Variants in RIPK2 observed in about 807,000 individuals in gnomAD.
RIPK2 encodes receptor-interacting serine/threonine-protein kinase 2.
RIPK2 carries 38 observed loss-of-function variants against 60.9 expected under a neutral mutation model. That is an observed-to-expected ratio of 0.62 (90% CI 0.48 to 0.82). The LOEUF (loss-of-function observed/expected upper bound fraction) is 0.82. Among genes scored for constraint, RIPK2 ranks in the 40% least tolerant of loss-of-function variants. The probability of loss-of-function intolerance (pLI) is 0.00; values close to 1 mark genes in which losing one functional copy is unlikely to be tolerated. For missense variants in RIPK2, 518 were observed against 647.0 expected, an observed-to-expected ratio of 0.80 and a Z score of 2.16; for synonymous variants, 225 against 223.4, an observed-to-expected ratio of 1.01 and a Z score of -0.06.
intron 6 of RIPK2, among the ~76,000 whole-genome samples, chr8:89,779,310 G>GGTTTTTTTTTTT (rs1586128992): frequency 2.5e-5 from 2 of 79,112 alleles, no homozygotes; most frequent in African/African-American, 1.2e-4. Context: ...CGGTTTTTGG[G>GGTTTTTTTTTTT]TTTTTTTTTT....
intron 3 of RIPK2, among the ~76,000 whole-genome samples, chr8:89,765,864 C>T (rs1006224082): frequency 3.3e-5 from 5 of 151,592 alleles, no homozygotes; most frequent in African/African-American, 9.7e-5. Context: ...TGTTATATCA[C>T]ACATAATTAT....
At chr8:89,781,354 A>ATTTTTTTTTTTCTTT (rs1161497561) in intron 7 of RIPK2, among the ~76,000 whole-genome samples, 112 of 144,008 alleles carry the variant, frequency 7.8e-4, no homozygotes, top group African/African-American at 2.7e-3. Context: ...AATAGATTGA[A>ATTTTTTTTTTTCTTT]TTTTTTTTTT....
rs1036818488 is a variant in RIPK2 at position 89,789,322 on chromosome 8, A to G, written c.1125A>G (p.Arg375=). Residue 375 remains arginine, a splice_region_variant and synonymous_variant, in exon 10 of 11, where the codon AGA becomes AGG. Transcript: ENST00000220751. ...PAPQDNDFLS[R]KAQDCYFMKL... ...TAATGAAGATGTTGTATTTTGTAGG[A>G]AAAGCTCAAGACTGTTATTTTATGA... The G allele has an allele frequency of 6.2e-7, 1 of 1,612,778 alleles. No individual in the cohort carries two copies. Among genetic ancestry groups the G allele is most frequent in the African/African-American group, 1.3e-5 (1 of 74,956 alleles).
intron 7 of RIPK2, among the ~76,000 whole-genome samples, chr8:89,781,526 C>T (rs1277858047): frequency 6.6e-6 from 1 of 152,048 alleles, no homozygotes; most frequent in Non-Finnish European, 1.5e-5. Flanking sequence ...GGCTACCACA[C>T]TCAGCTACTT....
chr8:89,783,741 CAT>C (rs1487219322), intron 7 of RIPK2, among the ~76,000 whole-genome samples: 1 of 152,150 alleles, frequency 6.6e-6, no homozygotes, highest in Non-Finnish European at 1.5e-5. Context: ...CCAGATATTT[CAT>C]ATTTATAAGC....
In RIPK2 at chr8:89,767,572, A is replaced by G. The variant is rs73694480; in HGVS notation, c.483+2076A>G. ...TATTCCATCAATTATAGAACCATCA[A>G]GTAGAAATACCTTAATGGTCAACTA... On this transcript the variant is annotated intron_variant, in intron 3 of 10. Transcript: ENST00000220751. 9.4e-3 allele frequency among the ~76,000 whole-genome samples: 1,426 copies of G among 151,762 alleles called. 20 individuals are homozygous for G. Among genetic ancestry groups the G allele is most frequent in the African/African-American group, 0.033 (1,363 of 41,522 alleles).
chr8:89,789,100 C>G (rs938784051), intron 9 of RIPK2, among the ~76,000 whole-genome samples: 1 of 152,126 alleles, frequency 6.6e-6, no homozygotes, highest in South Asian at 2.1e-4. Context: ...TTACACAGAA[C>G]AGACAATTTC....
Position 89,790,381 on chromosome 8 carries a change from C to A in RIPK2, c.1588C>A (p.Pro530Thr). ...GGAAATACTTGTGGTTTCTAGATCA[C>A]CATCTTTAAATTTACTTCAAAATAA... ...YPEILVVSRS[P>T]SLNLLQNKSM The change falls in exon 11 of 11, where the codon CCA becomes ACA. Residue 530 changes from proline to threonine, a missense_variant. Transcript: ENST00000220751. 6.2e-7 allele frequency: 1 copy of A among 1,603,442 alleles called. No homozygotes were observed. The highest frequency in any genetic ancestry group is 8.5e-7 in the Non-Finnish European group (1 of 1,175,632).
chr8:89,759,691 G>A (rs893132162), intron 1 of RIPK2, among the ~76,000 whole-genome samples: 7 of 152,206 alleles, frequency 4.6e-5, no homozygotes, highest in Non-Finnish European at 1.0e-4. Flanking sequence ...GCAAGTGCTG[G>A]ACAAGTGTGT....
In RIPK2 at chr8:89,790,564, A is replaced by AT. The variant is rs1245379317; in HGVS notation, c.*156dup. 20 of 539,408 alleles carry AT rather than the reference A, an allele frequency of 3.7e-5. No homozygotes were observed. The highest frequency in any genetic ancestry group is 2.7e-4 in the South Asian group (8 of 29,456). 33.4% of individuals were successfully genotyped at this position (539,408 alleles called of 1,614,324 possible). On this transcript the variant is annotated 3_prime_UTR_variant, in exon 11 of 11. Transcript: ENST00000220751. ...TAGTCTCCCTCCATGACACTGCAGTATTTTTTTTAATTAATACAAGTAAAA... is the reference window on the plus strand; with the variant it reads ...TAGTCTCCCTCCATGACACTGCAGTATTTTTTTTTAATTAATACAAGTAAAA...
At chr8:89,774,790 A>G (rs1809371046) in intron 6 of RIPK2, among the ~76,000 whole-genome samples, 1 of 152,158 alleles carries the variant, frequency 6.6e-6, no homozygotes, top group African/African-American at 2.4e-5. Flanking sequence ...CCCATAGTAA[A>G]GCTCTGAGGC....
In RIPK2 at chr8:89,757,900, C is replaced by T. The variant is rs1220279801; in HGVS notation, c.-161C>T. On this transcript the variant is annotated 5_prime_UTR_variant, in exon 1 of 11. Coordinates refer to ENST00000220751, the MANE Select transcript of RIPK2 (RefSeq NM_003821.6). ...AGAAGCAGCGGCTGGCGTGGGCCAT[C>T]CGGGGAATGGGCGCCCTCGTGACCT... is the stretch of plus-strand genomic sequence containing the variant. The T allele has an allele frequency of 2.2e-6, 3 of 1,383,324 alleles. No individual in the cohort carries two copies. Among genetic ancestry groups the T allele is most frequent in the African/African-American group, 1.5e-5 (1 of 66,000 alleles). 85.7% of individuals were successfully genotyped at this position (1,383,324 alleles called of 1,614,324 possible).
In RIPK2 at chr8:89,780,146, C is replaced by G. The variant is rs200899275; in HGVS notation, c.925C>G (p.Leu309Val). ...AACTTTTCTTGAAGCTGTTATTCAG[C>G]TAAAGAAAACAAAGGTAAGTTGCTA... ...EITFLEAVIQ[L>V]KKTKLQSVSS... Residue 309 changes from leucine (L) to valine (V), a missense_variant, in exon 7 of 11, where the codon CTA (leucine) becomes GTA (valine). By Grantham distance (32) the Leu-to-Val change is conservative. Transcript: ENST00000220751. 6.5e-7 allele frequency: 1 copy of G among 1,544,988 alleles called. No individual in the cohort carries two copies. Among genetic ancestry groups the G allele is most frequent in the Non-Finnish European group, 8.8e-7 (1 of 1,131,152 alleles).
chr8:89,764,338 A>G (rs887912867), intron 2 of RIPK2, among the ~76,000 whole-genome samples: 4 of 152,144 alleles, frequency 2.6e-5, no homozygotes, highest in East Asian at 1.9e-4. Flanking sequence ...CACAAAATTC[A>G]TTGAGAAAAC....
chr8:89,781,896 A>G (rs73694487), intron 7 of RIPK2, among the ~76,000 whole-genome samples: 4,557 of 152,324 alleles, frequency 0.03, 181 homozygotes, highest in African/African-American at 0.089. Flanking sequence ...TGGCATCACT[A>G]TTCTTGCACT....
At chr8:89,770,090 T>G (rs932349731) in intron 4 of RIPK2, among the ~76,000 whole-genome samples, 161 bp downstream of exon 4, 1 of 151,886 alleles carries the variant, frequency 6.6e-6, no homozygotes, top group African/African-American at 2.4e-5. Context: ...TTTTTCAAAT[T>G]AAGGAAATTT....
Position 89,769,919 on chromosome 8 carries a change from GATATATATAGGT to G in RIPK2, c.633_641+3del, listed in dbSNP as rs1809286849. 1.3e-6 allele frequency: 2 copies of G among 1,599,040 alleles called. No individual in the cohort carries two copies. The highest frequency in any genetic ancestry group is 2.7e-5 in the African/African-American group (2 of 73,622). The stretch of plus-strand genomic sequence containing the variant: ...AAAATCAAGGGCCAGTATCAAGCAC[GATATATATAGGT>G]AGAGTAAAGTTGCTTCTGCTCAGAT... On this transcript the variant is annotated splice_donor_variant and coding_sequence_variant, in exon 4 of 11. Transcript: ENST00000220751. LOFTEE classifies it high-confidence loss of function.
chr8:89,766,952 T>C (rs1809239312), intron 3 of RIPK2, among the ~76,000 whole-genome samples: 1 of 151,764 alleles, frequency 6.6e-6, no homozygotes, highest in South Asian at 2.1e-4. Context: ...CAGTTATAGT[T>C]TGTCTTTTCA....
At chr8:89,776,096 A>G (rs759097775) in intron 6 of RIPK2, among the ~76,000 whole-genome samples, 8 of 152,170 alleles carry the variant, frequency 5.3e-5, no homozygotes, top group Non-Finnish European at 1.0e-4. Flanking sequence ...CAGAAAATGT[A>G]TGCATTCTTT....
Sources: allele counts gnomAD v4.1 joint callset (sites outside exome capture counted in the v4.1 genomes callset), GRCh38; gene constraint gnomAD v4.1.1; transcripts MANE v1.5; gene names NCBI Gene and HGNC (gene_info 2026-07-23, HGNC 2026-07-21).